NCAM2: variants seen among roughly 807,000 people sequenced by gnomAD.
The protein encoded by NCAM2 is neural cell adhesion molecule 2.
A neutral mutation model predicts 98.1 loss-of-function variants in NCAM2; 30 were observed. That is an observed-to-expected ratio of 0.31 (90% confidence interval 0.23 to 0.41). The LOEUF is 0.41. NCAM2 is among the 10% of genes least tolerant of loss of function. NCAM2 has a pLI of 1.00. For synonymous variants in NCAM2, 368 were observed against 342.4 expected (o/e 1.07, Z -0.83); for missense variants, 867 against 1,005.8 (o/e 0.86, Z 1.87).
In NCAM2 at chr21:21,318,538, A is replaced by G. The variant is rs182624819; in HGVS notation, c.620-5845A>G. On this transcript the variant is annotated intron_variant, in intron 5 of 17. Coordinates refer to ENST00000400546, the MANE Select transcript of NCAM2 (RefSeq NM_004540.5). Reference sequence around the variant, plus strand: ...AAAATCTATTAACATTTTTATTTTTATGTTTTTTAATTTGTTCATTTATAC... The same window carrying G: ...AAAATCTATTAACATTTTTATTTTTGTGTTTTTTAATTTGTTCATTTATAC... Among the ~76,000 whole-genome samples the G allele has an allele frequency of 3.9e-5, 6 of 152,222 alleles. No homozygotes were observed. In the East Asian group the frequency reaches 7.7e-4, roughly 20 times the overall value.
chr21:21,153,078 GTATT>G (rs1010985583), intron 1 of NCAM2, among the ~76,000 whole-genome samples: 9 of 151,604 alleles, frequency 5.9e-5, no homozygotes, highest in African/African-American at 2.2e-4. Context: ...AGATGTGACA[GTATT>G]TATTTTTTAT....
chr21:21,532,758 A>G (rs1487022274), intron 16 of NCAM2, among the ~76,000 whole-genome samples: 1 of 152,130 alleles, frequency 6.6e-6, no homozygotes, highest in Non-Finnish European at 1.5e-5. Context: ...TAAAAGAATC[A>G]ATTGAAGAAT....
chr21:21,123,105 A>G (rs1348705590), intron 1 of NCAM2, among the ~76,000 whole-genome samples: 2 of 152,110 alleles, frequency 1.3e-5, no homozygotes, highest in African/African-American at 4.8e-5. Flanking sequence ...TGATTTGAAA[A>G]TTTTGTGTCT....
chr21:21,528,162 A>G (rs1306098518), intron 16 of NCAM2, among the ~76,000 whole-genome samples: 1 of 152,224 alleles, frequency 6.6e-6, no homozygotes, highest in Admixed American at 6.5e-5. Context: ...AGCAAAAGAC[A>G]CTAAAAAGAT....
rs569371683 is a variant in NCAM2, at chr21:21,430,304, G to A, written c.1481-1804G>A. Among the ~76,000 whole-genome samples, 8 of 149,716 alleles carry A rather than the reference G, an allele frequency of 5.3e-5. No individual in the cohort carries two copies. The East Asian group carries it at 1.6e-3, about 30-fold the overall frequency. On this transcript the variant is annotated intron_variant, in intron 11 of 17. Transcript: ENST00000400546. Reference sequence around the variant, plus strand: ...CAGCTTCCAAAGTGCAGTGATTACAGTTGTAAGCCATCATGCCCAGCCCCA... The same window carrying A: ...CAGCTTCCAAAGTGCAGTGATTACAATTGTAAGCCATCATGCCCAGCCCCA...
intron 12 of NCAM2, among the ~76,000 whole-genome samples, chr21:21,450,999 A>G (rs1310894403): frequency 6.6e-6 from 1 of 152,052 alleles, no homozygotes; most frequent in African/African-American, 2.4e-5. Context: ...AAGCGTTTAT[A>G]TGAGAATTCA....
intron 1 of NCAM2, among the ~76,000 whole-genome samples, chr21:21,174,113 T>G (rs1229298214): frequency 3.3e-5 from 5 of 151,978 alleles, no homozygotes; most frequent in Admixed American, 3.3e-4. Flanking sequence ...AGATACGAGG[T>G]TTCACCATGT....
At chr21:21,023,918 T>G (rs1451555893) in intron 1 of NCAM2, among the ~76,000 whole-genome samples, 1 of 152,196 alleles carries the variant, frequency 6.6e-6, no homozygotes, top group Non-Finnish European at 1.5e-5. Context: ...AATATGTTTC[T>G]GAGGATTTTG....
intron 1 of NCAM2, among the ~76,000 whole-genome samples, chr21:21,025,798 T>G (rs901681030): frequency 3.3e-5 from 5 of 152,202 alleles, no homozygotes; most frequent in Non-Finnish European, 7.3e-5. Context: ...ACTGGAGCTG[T>G]GAGCTGTTGT....
At chr21:21,497,676 G>A (rs1008863587) in intron 15 of NCAM2, among the ~76,000 whole-genome samples, 43 of 152,080 alleles carry the variant, frequency 2.8e-4, no homozygotes, top group African/African-American at 1.0e-3. Flanking sequence ...TGGAGACTCA[G>A]TACTGAAGAA....
At chr21:21,534,348 T>C (rs1354231619) in intron 16 of NCAM2, among the ~76,000 whole-genome samples, 189 bp from the exon 17 acceptor site, 1 of 152,092 alleles carries the variant, frequency 6.6e-6, no homozygotes, top group Non-Finnish European at 1.5e-5. Context: ...ATTTCTTCCT[T>C]TTTTTCTGAG....
intron 11 of NCAM2, among the ~76,000 whole-genome samples, chr21:21,427,529 CT>C (rs946270090): frequency 1.3e-5 from 2 of 152,168 alleles, no homozygotes; most frequent in African/African-American, 4.8e-5. Flanking sequence ...ATGTGGAATT[CT>C]AAAACAGTGA....
intron 1 of NCAM2, among the ~76,000 whole-genome samples, chr21:21,046,773 T>G (rs1435054268): frequency 2.0e-5 from 3 of 152,150 alleles, no homozygotes; most frequent in African/African-American, 7.2e-5. Flanking sequence ...TAATAAGAGA[T>G]AATGTCTGAA....
chr21:21,348,260 G>A (rs541973014), intron 8 of NCAM2, among the ~76,000 whole-genome samples: 1 of 152,192 alleles, frequency 6.6e-6, no homozygotes, highest in South Asian at 2.1e-4. Context: ...ATTCAGTAAA[G>A]TTGCAAGATA....
At chr21:21,005,598 G>C (rs2064096481) in intron 1 of NCAM2, among the ~76,000 whole-genome samples, 2 of 151,988 alleles carry the variant, frequency 1.3e-5, no homozygotes, top group Non-Finnish European at 1.5e-5. Context: ...TTTGTCATCT[G>C]TCTTTATCTT....
At chr21:21,297,133 G>A (rs554954332) in intron 5 of NCAM2, among the ~76,000 whole-genome samples, 1 of 151,784 alleles carries the variant, frequency 6.6e-6, no homozygotes, top group South Asian at 2.1e-4. Flanking sequence ...TGAGGCTTTA[G>A]GACAATATTA....
chr21:21,154,587 G>C (rs1417179630), intron 1 of NCAM2, among the ~76,000 whole-genome samples: 2 of 151,814 alleles, frequency 1.3e-5, no homozygotes, highest in Non-Finnish European at 3.0e-5. Flanking sequence ...ACAACATTTT[G>C]ATTATTCTTG....
chr21:21,254,296 T>A (rs1214217241), intron 1 of NCAM2, among the ~76,000 whole-genome samples: 2 of 152,204 alleles, frequency 1.3e-5, no homozygotes, highest in Admixed American at 1.3e-4. Context: ...ATCATGAAAT[T>A]TGACTGAAGT....
chr21:21,031,303 G>T (rs2064676594), intron 1 of NCAM2, among the ~76,000 whole-genome samples: 1 of 152,128 alleles, frequency 6.6e-6, no homozygotes, highest in South Asian at 2.1e-4. Context: ...ACTAGATGAG[G>T]TATTAATCCC....
Sources: gnomAD v4.1 joint callset for allele counts (sites outside exome capture counted in the v4.1 genomes callset) on GRCh38, gnomAD v4.1.1 for gene constraint, MANE v1.5 for transcripts, NCBI Gene and HGNC (gene_info 2026-07-23, HGNC 2026-07-21) for gene names.